Variants in ENAH observed in about 807,000 individuals in gnomAD.
ENAH encodes protein enabled homolog.
ENAH carries 23 observed loss-of-function variants against 78.7 expected under a neutral mutation model. That is an observed-to-expected ratio of 0.29 (90% CI 0.21 to 0.41). The LOEUF (loss-of-function observed/expected upper bound fraction) is 0.41. Ranked by LOEUF, ENAH falls within the 10% of genes least tolerant of loss-of-function variation. ENAH has a pLI of 1.00. For missense variants in ENAH, 544 were observed against 691.0 expected (o/e 0.79, Z 2.39); for synonymous variants, 226 against 241.0 (o/e 0.94, Z 0.58).
At chr1:225,607,033 G>A (rs1461475028) in intron 1 of ENAH, among the ~76,000 whole-genome samples, 2 of 151,870 alleles carry the variant, frequency 1.3e-5, no homozygotes, top group Non-Finnish European at 2.9e-5. Flanking sequence ...TCGGCAGAGT[G>A]GAGCAGAGTG....
At chr1:225,626,673 T>C (rs1318048252) in intron 1 of ENAH, among the ~76,000 whole-genome samples, 1 of 152,274 alleles carries the variant, frequency 6.6e-6, no homozygotes, top group Non-Finnish European at 1.5e-5. Flanking sequence ...TGTTGTGTTA[T>C]AGCAGCAAGA....
intron 1 of ENAH, among the ~76,000 whole-genome samples, chr1:225,651,467 T>A (rs1334939004): frequency 6.6e-6 from 1 of 152,184 alleles, no homozygotes; most frequent in South Asian, 2.1e-4. Context: ...TGACATGACA[T>A]TTTCTTGCCA....
chr1:225,611,717 G>A (rs2096990571), intron 1 of ENAH, among the ~76,000 whole-genome samples: 1 of 152,126 alleles, frequency 6.6e-6, no homozygotes, highest in Admixed American at 6.5e-5. Context: ...AGCCCAGGAG[G>A]TCAAGGCTGC....
chr1:225,514,851 T>C lies in ENAH; in HGVS notation c.963A>G (p.Pro321=), dbSNP rs773781396. ...LAPPPPPPLP[P]GPAQASVALP... is the part of the protein sequence containing the mutation. ...GGGCTACTGAAGCCTGTGCAGGCCC[T>C]GGTGGGAGTGGTGGAGGAGGTGGAG... Residue 321 remains proline (P), a synonymous_variant, in exon 7 of 14, where the codon CCA becomes CCG. Coordinates refer to ENST00000366843, the MANE Select transcript of ENAH (RefSeq NM_018212.6). 1 of 1,600,244 alleles carries C rather than the reference T, an allele frequency of 6.2e-7. No homozygotes were observed. The highest frequency in any genetic ancestry group is 8.5e-7 in the Non-Finnish European group (1 of 1,175,582).
chr1:225,538,323 TAA>T (rs34472438), intron 3 of ENAH, among the ~76,000 whole-genome samples: 1 of 148,266 alleles, frequency 6.7e-6, no homozygotes, highest in South Asian at 2.1e-4. Context: ...GTTGCTGCAT[TAA>T]AAAAAAAAGT....
At chr1:225,600,180 C>T (rs1231503576) in intron 1 of ENAH, among the ~76,000 whole-genome samples, 1 of 152,188 alleles carries the variant, frequency 6.6e-6, no homozygotes, top group Non-Finnish European at 1.5e-5. Context: ...TTTAGAGCAA[C>T]ACAAAATGGA....
At chr1:225,615,269 T>G (rs2097020342) in intron 1 of ENAH, among the ~76,000 whole-genome samples, 1 of 152,212 alleles carries the variant, frequency 6.6e-6, no homozygotes, top group African/African-American at 2.4e-5. Flanking sequence ...GGTCTCCAGC[T>G]CCTGACCGCG....
chr1:225,597,192 A>T (rs964875039), intron 1 of ENAH, among the ~76,000 whole-genome samples: 1 of 152,220 alleles, frequency 6.6e-6, no homozygotes, highest in African/African-American at 2.4e-5. Context: ...AAATATAAGA[A>T]TTTAAACATT....
intron 6 of ENAH, 113 bp downstream of exon 6, chr1:225,517,083 A>G (rs1000769967): frequency 3.8e-6 from 3 of 787,240 alleles, no homozygotes; most frequent in Non-Finnish European, 5.7e-6. Flanking sequence ...GCATTATGGC[A>G]TATAAATGTT....
chr1:225,510,100 C>A (rs16845004), intron 10 of ENAH, among the ~76,000 whole-genome samples: 2,252 of 152,242 alleles, frequency 0.015, 54 homozygotes, highest in African/African-American at 0.051. Flanking sequence ...GGGCTTAGGA[C>A]CTGTACCTTT....
intron 4 of ENAH, among the ~76,000 whole-genome samples, chr1:225,523,401 T>A (rs1328794505): frequency 6.6e-6 from 1 of 151,882 alleles, no homozygotes; most frequent in Admixed American, 6.6e-5. Context: ...AGAAGTTTGT[T>A]CCACATGTCA....
chr1:225,490,406 C>G lies in ENAH; in HGVS notation c.*7369G>C, dbSNP rs891849184. On this transcript the variant is annotated 3_prime_UTR_variant, in exon 14 of 14. Transcript: ENST00000366843. ...TGGGCAACATGGTGAAACCCCATCT[C>G]TACTAAAAATACAAAAATTAGTCGG... 3.3e-5 allele frequency: 5 copies of G among 152,170 alleles called. No individual in the cohort carries two copies. The highest frequency in any genetic ancestry group is 7.2e-5 in the African/African-American group (3 of 41,424). The allele number at this position is 152,170 out of a possible 1,614,324, so 9.4% of individuals were successfully genotyped here.
chr1:225,498,440 C>T (rs1166318361), intron 12 of ENAH, 36 bp from the exon 13 acceptor site: 2 of 1,271,798 alleles, frequency 1.6e-6, no homozygotes, highest in East Asian at 4.8e-5. Flanking sequence ...AAATACAGAA[C>T]AAAATTACCA....
intron 1 of ENAH, among the ~76,000 whole-genome samples, chr1:225,635,013 CAAT>C (rs1187769861): frequency 6.6e-6 from 1 of 152,142 alleles, no homozygotes. Context: ...GTCACCTTAA[CAAT>C]ATCAAGTCTT....
In ENAH at chr1:225,652,770, G is replaced by C. The variant is rs1204637711; in HGVS notation, c.-80C>G. On this transcript the variant is annotated 5_prime_UTR_variant, in exon 1 of 14. Coordinates refer to ENST00000366843, the MANE Select transcript of ENAH (RefSeq NM_018212.6). ...GCCGAGGGGGGGGTCTCTCCTCCAG[G>C]GGTGGGGAGCAGCTCGGAGACGGGA... 137 of 1,205,678 alleles carry C rather than the reference G, an allele frequency of 1.1e-4. No homozygotes were observed. Among genetic ancestry groups the C allele is most frequent in the Non-Finnish European group, 1.4e-4 (135 of 946,264 alleles). The allele number at this position is 1,205,678 out of a possible 1,614,324, so 74.7% of individuals were successfully genotyped here.
At chr1:225,507,590 A>T (rs2096343177) in intron 11 of ENAH, among the ~76,000 whole-genome samples, 1 of 152,128 alleles carries the variant, frequency 6.6e-6, no homozygotes, top group African/African-American at 2.4e-5. Flanking sequence ...TATTTAAGAC[A>T]AGTGGGGCAA....
intron 1 of ENAH, among the ~76,000 whole-genome samples, chr1:225,616,557 A>G (rs902363942): frequency 6.6e-6 from 1 of 151,962 alleles, no homozygotes; most frequent in African/African-American, 2.4e-5. Context: ...TCACAAGTAC[A>G]TGTTATATAT....
Position 225,607,917 on chromosome 1 carries a change from C to A in ENAH, c.6-40503G>T, listed in dbSNP as rs560596779. On this transcript the variant is annotated intron_variant, in intron 1 of 13. Coordinates refer to ENST00000366843, the MANE Select transcript of ENAH (RefSeq NM_018212.6). Reference sequence around the variant, plus strand: ...AGGCCCATACCATGGAAAGACTTCCCAACTTGCTTTAAAAATAAAAACTTT... The same window carrying A: ...AGGCCCATACCATGGAAAGACTTCCAAACTTGCTTTAAAAATAAAAACTTT... Among the ~76,000 whole-genome samples the A allele has an allele frequency of 6.0e-4, 92 of 152,198 alleles. No individual in the cohort carries two copies. In the East Asian group the frequency reaches 0.017, roughly 27 times the overall value.
chr1:225,620,061 T>C (rs1300447120), intron 1 of ENAH, among the ~76,000 whole-genome samples: 1 of 152,130 alleles, frequency 6.6e-6, no homozygotes, highest in Non-Finnish European at 1.5e-5. Context: ...TGTGTACTAC[T>C]TGAGAACGTA....
Sources: gnomAD v4.1 joint callset for allele counts (sites outside exome capture counted in the v4.1 genomes callset) on GRCh38, gnomAD v4.1.1 for gene constraint, MANE v1.5 for transcripts, NCBI Gene and HGNC (gene_info 2026-07-23, HGNC 2026-07-21) for gene names.